The following TNS3 variants were observed in gnomAD, a reference collection of about 807,000 sequenced individuals.
TNS3 encodes the protein tensin-3.
A neutral mutation model predicts 140.9 loss-of-function variants in TNS3; 45 were observed. That is an observed-to-expected ratio of 0.32 (90% CI 0.25 to 0.41). The LOEUF is 0.41. Among genes scored for constraint, TNS3 ranks in the 10% least tolerant of loss-of-function variants. The pLI, the probability that TNS3 is intolerant of heterozygous loss-of-function variation, is 1.00. For synonymous variants in TNS3, 815 were observed against 788.4 expected, an observed-to-expected ratio of 1.03 and a Z score of -0.56; for missense variants, 1,716 against 1,906.7, an observed-to-expected ratio of 0.90 and a Z score of 1.86.
At chr7:47,409,102 GAGGA>G (rs1171087912) in intron 13 of TNS3, among the ~76,000 whole-genome samples, 1 of 152,056 alleles carries the variant, frequency 6.6e-6, no homozygotes, top group Non-Finnish European at 1.5e-5. Context: ...AAATAATGAG[GAGGA>G]AGGAGGGAGG....
At chr7:47,441,121 C>T (rs1218571838) in intron 5 of TNS3, among the ~76,000 whole-genome samples, 1 of 152,166 alleles carries the variant, frequency 6.6e-6, no homozygotes, top group Non-Finnish European at 1.5e-5. Context: ...GCCATTATCA[C>T]ACCTCAAAAA....
intron 3 of TNS3, among the ~76,000 whole-genome samples, chr7:47,506,359 C>T (rs1482222477): frequency 6.6e-6 from 1 of 152,192 alleles, no homozygotes; most frequent in Non-Finnish European, 1.5e-5. Context: ...CTAAGCCCAA[C>T]AGGACATAGC....
chr7:47,401,844 CA>C (rs1204540268), intron 13 of TNS3, among the ~76,000 whole-genome samples: 2 of 152,234 alleles, frequency 1.3e-5, no homozygotes, highest in African/African-American at 4.8e-5. Flanking sequence ...GGCACTTTCC[CA>C]AATCCCCAGA....
At chr7:47,411,943 A>G (rs1247055740) in intron 12 of TNS3, 141 bp from the exon 13 acceptor site, 8 of 760,332 alleles carry the variant, frequency 1.1e-5, no homozygotes, top group Non-Finnish European at 1.5e-5. Context: ...AATTCCTGAG[A>G]ATCTAAATGA....
chr7:47,489,913 G>A (rs2964960), intron 3 of TNS3, among the ~76,000 whole-genome samples: 83,807 of 152,028 alleles, frequency 0.55, 25,726 homozygotes, highest in Middle Eastern at 0.67. Context: ...GCCGAGGCCC[G>A]CAGAGGCAGA....
At chr7:47,312,195 T>C (rs1253116789) in intron 20 of TNS3, among the ~76,000 whole-genome samples, 1 of 152,192 alleles carries the variant, frequency 6.6e-6, no homozygotes, top group Non-Finnish European at 1.5e-5. Context: ...GCAGATGCAG[T>C]TGTGTGACTG....
chr7:47,294,373 A>C (rs541319488), intron 24 of TNS3, among the ~76,000 whole-genome samples: 1 of 152,354 alleles, frequency 6.6e-6, no homozygotes, highest in East Asian at 1.9e-4. Flanking sequence ...ATTAACAGTA[A>C]ACAGTGCATC....
chr7:47,543,150 T>G (rs1799834930), intron 1 of TNS3, among the ~76,000 whole-genome samples: 1 of 152,158 alleles, frequency 6.6e-6, no homozygotes, highest in South Asian at 2.1e-4. Flanking sequence ...AAACACAGAC[T>G]TTGGGAAAAT....
At chr7:47,414,468 C>T (rs1793963125) in intron 11 of TNS3, among the ~76,000 whole-genome samples, 2 of 152,184 alleles carry the variant, frequency 1.3e-5, no homozygotes, top group Non-Finnish European at 2.9e-5. Context: ...CAGCCATGTG[C>T]CATTTGCTCC....
At chr7:47,562,785 T>C (rs1210912315) in intron 1 of TNS3, among the ~76,000 whole-genome samples, 1 of 152,218 alleles carries the variant, frequency 6.6e-6, no homozygotes, top group East Asian at 1.9e-4. Context: ...GAATTCTTTT[T>C]GGTGGAATTC....
chr7:47,360,460 T>C (rs940795384), intron 17 of TNS3, among the ~76,000 whole-genome samples: 4 of 152,228 alleles, frequency 2.6e-5, no homozygotes, highest in Non-Finnish European at 5.9e-5. Context: ...CACGGACGCA[T>C]GTCCAGCGCC....
At chr7:47,427,815 A>T (rs531406742) in intron 9 of TNS3, among the ~76,000 whole-genome samples, 135 of 152,322 alleles carry the variant, frequency 8.9e-4, no homozygotes, top group African/African-American at 3.1e-3. Context: ...CATCCATGCA[A>T]TGGGAATGAT....
intron 16 of TNS3, among the ~76,000 whole-genome samples, chr7:47,387,632 C>T (rs953097915): frequency 3.3e-5 from 5 of 152,342 alleles, no homozygotes; most frequent in African/African-American, 1.2e-4. Flanking sequence ...CGCAACCTTT[C>T]CCTCCCCTAG....
chr7:47,531,471 T>C (rs1799401620), intron 1 of TNS3, among the ~76,000 whole-genome samples: 1 of 152,168 alleles, frequency 6.6e-6, no homozygotes, highest in Admixed American at 6.5e-5. Flanking sequence ...AAAAAGGACA[T>C]GGCAGATGGA....
intron 13 of TNS3, chr7:47,403,124 A>T (rs1793250957): frequency 6.6e-6 from 1 of 152,338 alleles, no homozygotes; most frequent in Non-Finnish European, 1.5e-5. Flanking sequence ...CGCCCCGCCC[A>T]GCGCAGGGCC....
At chr7:47,461,235 G>A (rs1014007248) in intron 4 of TNS3, among the ~76,000 whole-genome samples, 2 of 152,196 alleles carry the variant, frequency 1.3e-5, no homozygotes, top group African/African-American at 2.4e-5. Context: ...ACATTCATGT[G>A]TGAGTCTTTT....
intron 4 of TNS3, among the ~76,000 whole-genome samples, chr7:47,461,982 AAAC>A: frequency 6.6e-6 from 1 of 152,204 alleles, no homozygotes; most frequent in Admixed American, 6.5e-5. Context: ...CACTATGTAA[AAAC>A]AGGACAGGGA....
chr7:47,339,590 G>A (rs995337447), intron 20 of TNS3, among the ~76,000 whole-genome samples: 1 of 152,206 alleles, frequency 6.6e-6, no homozygotes, highest in African/African-American at 2.4e-5. Flanking sequence ...GATGACTGTA[G>A]CTATACAATA....
intron 2 of TNS3, among the ~76,000 whole-genome samples, chr7:47,528,259 A>C (rs1025482289): frequency 6.6e-6 from 1 of 152,048 alleles, no homozygotes; most frequent in South Asian, 2.1e-4. Context: ...CAGGCACCCT[A>C]CTCTAAAGTG....
Sources: gnomAD v4.1 joint callset for allele counts (sites outside exome capture counted in the v4.1 genomes callset) on GRCh38, gnomAD v4.1.1 for gene constraint, MANE v1.5 for transcripts, NCBI Gene and HGNC (gene_info 2026-07-23, HGNC 2026-07-21) for gene names.